Variants in IFT56 observed in about 807,000 individuals in gnomAD.
The protein encoded by IFT56 is intraflagellar transport protein 56.
At chr7:139,145,127 A>G in the IFT56 span, among the ~76,000 whole-genome samples, 3 of 152,202 alleles carry the variant, frequency 2.0e-5, no homozygotes, top group Admixed American at 6.5e-5. Context: ...GATTGCAACA[A>G]TTTAAAGCTG....
At chr7:139,177,959 GTTAA>G in the IFT56 span, among the ~76,000 whole-genome samples, 2 of 152,118 alleles carry the variant, frequency 1.3e-5, no homozygotes, top group Non-Finnish European at 2.9e-5. Flanking sequence ...TAATGTCGTA[GTTAA>G]TGAACCTGCA....
the IFT56 span, among the ~76,000 whole-genome samples, chr7:139,153,310 A>G: frequency 6.6e-6 from 1 of 150,888 alleles, no homozygotes. Context: ...AATTAACCGG[A>G]CGTGATGGCG....
chr7:139,147,984 G>C, the IFT56 span, among the ~76,000 whole-genome samples: 4 of 152,266 alleles, frequency 2.6e-5, no homozygotes, highest in African/African-American at 9.6e-5. Context: ...TGAACAGCGT[G>C]AACTTTCCCT....
At chr7:139,138,483 C>A in the IFT56 span, among the ~76,000 whole-genome samples, 55 of 152,152 alleles carry the variant, frequency 3.6e-4, no homozygotes, top group Non-Finnish European at 6.8e-4. Context: ...TTAAACATAT[C>A]CCCTGTGGAT....
At chr7:139,163,888 A>T in the IFT56 span, among the ~76,000 whole-genome samples, 1 of 152,168 alleles carries the variant, frequency 6.6e-6, no homozygotes, top group East Asian at 1.9e-4. Flanking sequence ...GAGAGAAGAG[A>T]TTTTGTAGTT....
chr7:139,187,488 G>A, the IFT56 span: 4 of 1,614,156 alleles, frequency 2.5e-6, no homozygotes, highest in East Asian at 2.2e-5. Flanking sequence ...GAAGGCAAAC[G>A]GGGTGCCTGT....
chr7:139,155,179 C>G, the IFT56 span, among the ~76,000 whole-genome samples: 1 of 152,004 alleles, frequency 6.6e-6, no homozygotes, highest in Non-Finnish European at 1.5e-5. Context: ...TATCCTGAAA[C>G]CTTGCTGAAC....
At chr7:139,172,570 A>G in the IFT56 span, 1 of 558,174 alleles carries the variant, frequency 1.8e-6, no homozygotes, top group Non-Finnish European at 3.6e-6. Context: ...CAGCGACACA[A>G]GCTGACTCTG....
chr7:139,167,159 T>C, the IFT56 span, among the ~76,000 whole-genome samples: 1 of 152,218 alleles, frequency 6.6e-6, no homozygotes, highest in Non-Finnish European at 1.5e-5. Context: ...ATTCCTTTAG[T>C]ATTTGGAAAT....
the IFT56 span, among the ~76,000 whole-genome samples, chr7:139,162,488 A>AT: frequency 3.3e-5 from 5 of 150,082 alleles, no homozygotes; most frequent in African/African-American, 7.3e-5. Context: ...TATTACTTTT[A>AT]TTTTTTTTTT....
chr7:139,178,387 C>T, the IFT56 span: 1 of 1,436,566 alleles, frequency 7.0e-7, no homozygotes, highest in Non-Finnish European at 9.7e-7. Context: ...AGAGATGGCC[C>T]ATTTTCTGTG....
chr7:139,188,086 T>G, the IFT56 span, among the ~76,000 whole-genome samples: 3 of 146,600 alleles, frequency 2.0e-5, no homozygotes, highest in Non-Finnish European at 4.5e-5. Context: ...ATACTTTTTC[T>G]TTTTTTTTTT....
At chr7:139,134,583 C>T in the IFT56 span, 3 of 1,482,676 alleles carry the variant, frequency 2.0e-6, no homozygotes, top group African/African-American at 4.3e-5. Context: ...TTATAAATTA[C>T]AGAGCTGTCA....
chr7:139,136,372 A>G, the IFT56 span, among the ~76,000 whole-genome samples: 2 of 151,956 alleles, frequency 1.3e-5, no homozygotes, highest in African/African-American at 2.4e-5. Context: ...GTATATATCT[A>G]TTTTCATCAG....
chr7:139,154,129 TC>T, the IFT56 span, among the ~76,000 whole-genome samples: 1 of 152,234 alleles, frequency 6.6e-6, no homozygotes, highest in Non-Finnish European at 1.5e-5. Context: ...CATTTGCATA[TC>T]TTTTTTGTAG....
At chr7:139,168,490 C>T in the IFT56 span, 5 of 861,714 alleles carry the variant, frequency 5.8e-6, no homozygotes, top group Non-Finnish European at 7.8e-6. Flanking sequence ...CAGCAATAGG[C>T]TCTCCTGTAG....
At chr7:139,135,164 A>G in the IFT56 span, among the ~76,000 whole-genome samples, 1 of 151,398 alleles carries the variant, frequency 6.6e-6, no homozygotes. Flanking sequence ...CTGTAGTCCC[A>G]GCTACTCGGG....
At chr7:139,180,542 T>C in the IFT56 span, among the ~76,000 whole-genome samples, 1 of 151,858 alleles carries the variant, frequency 6.6e-6, no homozygotes, top group African/African-American at 2.4e-5. Context: ...AAACCTCAGC[T>C]CTACTAAAAA....
At chr7:139,187,392 G>C in the IFT56 span, 1 of 1,613,214 alleles carries the variant, frequency 6.2e-7, no homozygotes, top group Non-Finnish European at 8.5e-7. Flanking sequence ...TACCACATAC[G>C]TTCTCTTATT....
Sources: allele counts gnomAD v4.1 joint callset (sites outside exome capture counted in the v4.1 genomes callset), GRCh38; gene constraint gnomAD v4.1.1; transcripts MANE v1.5; gene names NCBI Gene and HGNC (gene_info 2026-07-23, HGNC 2026-07-21).